The following CCDC85A variants were observed in gnomAD, a reference collection of about 807,000 sequenced individuals.
CCDC85A encodes coiled-coil domain-containing protein 85A.
Under a neutral mutation model 50.2 loss-of-function variants are expected in CCDC85A, and 38 were observed. That is an observed-to-expected ratio of 0.76 (90% CI 0.58 to 0.99). The LOEUF (loss-of-function observed/expected upper bound fraction) is 0.99, where lower values mean the gene tolerates loss of function less well. CCDC85A is among the 50% of genes least tolerant of loss of function. CCDC85A has a pLI of 0.00. For missense variants in CCDC85A, 820 were observed against 742.0 expected, an observed-to-expected ratio of 1.11 and a Z score of -1.22; for synonymous variants, 366 against 301.4, an observed-to-expected ratio of 1.21 and a Z score of -2.22.
chr2:56,328,585 G>T (rs898564891), intron 2 of CCDC85A, among the ~76,000 whole-genome samples: 1 of 152,024 alleles, frequency 6.6e-6, no homozygotes, highest in South Asian at 2.1e-4. Context: ...TCCCTTCCTC[G>T]TCTGGTGGAA....
chr2:56,378,213 G>T (rs932263042), intron 5 of CCDC85A, among the ~76,000 whole-genome samples: 1 of 152,174 alleles, frequency 6.6e-6, no homozygotes, highest in African/African-American at 2.4e-5. Flanking sequence ...TATGTCTATT[G>T]TGAAAAGAAT....
At chr2:56,270,868 C>G (rs1350777113) in intron 2 of CCDC85A, among the ~76,000 whole-genome samples, 1 of 152,206 alleles carries the variant, frequency 6.6e-6, no homozygotes, top group East Asian at 1.9e-4. Context: ...AAATTTATTA[C>G]CAGTTCAAGT....
At chr2:56,304,629 T>C (rs1335785188) in intron 2 of CCDC85A, among the ~76,000 whole-genome samples, 2 of 152,112 alleles carry the variant, frequency 1.3e-5, no homozygotes, top group Non-Finnish European at 2.9e-5. Flanking sequence ...GTACAAAAAA[T>C]AGGGTTCACC....
intron 2 of CCDC85A, among the ~76,000 whole-genome samples, chr2:56,266,332 G>A (rs934933566): frequency 2.6e-5 from 4 of 152,150 alleles, no homozygotes; most frequent in South Asian, 4.1e-4. Flanking sequence ...CTACTCAGAA[G>A]GCTGAGATGG....
At chr2:56,242,976 G>A (rs938627775) in intron 2 of CCDC85A, among the ~76,000 whole-genome samples, 2 of 151,972 alleles carry the variant, frequency 1.3e-5, no homozygotes, top group East Asian at 1.9e-4. Context: ...TTCTGCAAGT[G>A]GATATCCAGG....
chr2:56,379,478 A>G (rs926601051), intron 5 of CCDC85A, among the ~76,000 whole-genome samples: 1 of 152,200 alleles, frequency 6.6e-6, no homozygotes, highest in African/African-American at 2.4e-5. Flanking sequence ...AAGTAAATGC[A>G]TATACTTATT....
chr2:56,383,435 T>C (rs961314757), intron 5 of CCDC85A: 1 of 202,672 alleles, frequency 4.9e-6, no homozygotes, highest in Non-Finnish European at 8.8e-6. Context: ...TTCCAATCAA[T>C]GTTAGTGTAT....
intron 2 of CCDC85A, among the ~76,000 whole-genome samples, chr2:56,342,661 T>C (rs1194643455): frequency 1.3e-5 from 2 of 152,224 alleles, no homozygotes; most frequent in African/African-American, 4.8e-5. Context: ...CCAGTCTGTG[T>C]CTTATCTAAT....
chr2:56,325,856 C>A (rs1052585559), intron 2 of CCDC85A, among the ~76,000 whole-genome samples: 4 of 152,130 alleles, frequency 2.6e-5, no homozygotes, highest in Non-Finnish European at 4.4e-5. Flanking sequence ...TGGTTGTTGA[C>A]TGAAACTGGC....
intron 2 of CCDC85A, among the ~76,000 whole-genome samples, chr2:56,274,142 T>C (rs1010178161): frequency 6.6e-6 from 1 of 152,154 alleles, no homozygotes; most frequent in African/African-American, 2.4e-5. Flanking sequence ...TCATGAAATA[T>C]CTATGTATTG....
chr2:56,354,773 T>G (rs1675137021), intron 3 of CCDC85A, among the ~76,000 whole-genome samples: 1 of 152,234 alleles, frequency 6.6e-6, no homozygotes, highest in African/African-American at 2.4e-5. Context: ...TTTCACTACT[T>G]AGGGGCCTTC....
intron 2 of CCDC85A, among the ~76,000 whole-genome samples, chr2:56,199,230 A>T (rs574074653): frequency 1.2e-4 from 18 of 152,226 alleles, no homozygotes; most frequent in Non-Finnish European, 2.2e-4. Flanking sequence ...ATACAAATGC[A>T]TAAGTACATG....
intron 2 of CCDC85A, among the ~76,000 whole-genome samples, chr2:56,319,295 C>G (rs28460708): frequency 0.018 from 2,705 of 152,116 alleles, 89 homozygotes; most frequent in African/African-American, 0.062. Context: ...CCCAAGTCCA[C>G]AGAGTACATA....
In CCDC85A at chr2:56,192,838, C is replaced by T; in HGVS notation, c.638C>T (p.Thr213Ile). ...YVRDVGDGSS[T>I]SSTGSTDSPD... is the part of the protein sequence containing the mutation. The stretch of plus-strand genomic sequence containing the variant: ...CGGGATGTGGGTGACGGCAGCAGCA[C>T]CTCCAGCACTGGCAGCACTGACAGC... The change falls in exon 2 of 6, where the codon ACC (threonine) becomes ATC (isoleucine). Residue 213 changes from threonine to isoleucine, a missense_variant. By Grantham distance (89) the Thr-to-Ile change is moderately conservative. Transcript: ENST00000407595. The surrounding 1 kb of genome is among the most constrained non-coding windows in gnomAD (Gnocchi z 4.7). 1.9e-6 allele frequency: 3 copies of T among 1,613,388 alleles called. No individual in the cohort carries two copies. The highest frequency in any genetic ancestry group is 2.5e-6 in the Non-Finnish European group (3 of 1,179,684).
chr2:56,371,817 CTCA>C (rs1401548395), intron 3 of CCDC85A, among the ~76,000 whole-genome samples: 1 of 152,024 alleles, frequency 6.6e-6, no homozygotes, highest in African/African-American at 2.4e-5. Context: ...GACCTTTTAG[CTCA>C]TTACATTCTC....
intron 3 of CCDC85A, among the ~76,000 whole-genome samples, chr2:56,370,131 G>T (rs941471890): frequency 1.3e-5 from 2 of 152,080 alleles, no homozygotes; most frequent in African/African-American, 4.8e-5. Flanking sequence ...AGGAAGTGAC[G>T]ATCTTAAGAC....
chr2:56,372,107 G>T (rs1676102446), intron 3 of CCDC85A, among the ~76,000 whole-genome samples: 1 of 152,042 alleles, frequency 6.6e-6, no homozygotes, highest in African/African-American at 2.4e-5. Flanking sequence ...TCTACTTTTT[G>T]ATAGAATTTA....
chr2:56,365,998 G>A (rs1021405591), intron 3 of CCDC85A, among the ~76,000 whole-genome samples: 2 of 151,942 alleles, frequency 1.3e-5, no homozygotes, highest in African/African-American at 4.8e-5. Context: ...ATATGAGTAC[G>A]ATCATGCAGT....
At chr2:56,273,687 AAT>A (rs10579579) in intron 2 of CCDC85A, among the ~76,000 whole-genome samples, 7,590 of 148,068 alleles carry the variant, frequency 0.051, 180 homozygotes, top group East Asian at 0.062. Context: ...TGGGTTTCAG[AAT>A]ATATATATAT....
Sources: gnomAD v4.1 joint callset for allele counts (sites outside exome capture counted in the v4.1 genomes callset) on GRCh38, gnomAD v4.1.1 for gene constraint, Gnocchi (gnomAD v3.1) non-coding constraint, MANE v1.5 for transcripts, NCBI Gene and HGNC (gene_info 2026-07-23, HGNC 2026-07-21) for gene names.